Variants in GRID2 observed in about 807,000 individuals in gnomAD.
GRID2 encodes glutamate ionotropic receptor delta type subunit 2.
Under a neutral mutation model 114.8 loss-of-function variants are expected in GRID2, and 33 were observed. The observed-to-expected ratio is 0.29, with a 90% confidence interval of 0.22 to 0.38. GRID2 has a LOEUF of 0.38. Among genes scored for constraint, GRID2 ranks in the 10% least tolerant of loss-of-function variants. The pLI, the probability that GRID2 is intolerant of heterozygous loss-of-function variation, is 1.00. For missense variants in GRID2, 1,184 were observed against 1,257.7 expected (o/e 0.94, Z 0.89); for synonymous variants, 505 against 449.9 (o/e 1.12, Z -1.55).
At chr4:92,916,344 A>G (rs1748789928) in intron 2 of GRID2, among the ~76,000 whole-genome samples, 1 of 152,002 alleles carries the variant, frequency 6.6e-6, no homozygotes, top group South Asian at 2.1e-4. Flanking sequence ...TTGTCTCTGT[A>G]ATTTTAGAGA....
chr4:93,308,506 G>A (rs891161101), intron 8 of GRID2, among the ~76,000 whole-genome samples: 2 of 152,120 alleles, frequency 1.3e-5, no homozygotes, highest in African/African-American at 4.8e-5. Flanking sequence ...CTCAGTCGAA[G>A]TGAGCTTCGG....
intron 2 of GRID2, among the ~76,000 whole-genome samples, chr4:92,698,945 A>G (rs1313863482): frequency 2.0e-5 from 3 of 152,074 alleles, no homozygotes; most frequent in Non-Finnish European, 4.4e-5. Context: ...GACAACACAT[A>G]TTTTGTGGTT....
chr4:93,280,644 T>A (rs1183002428), intron 8 of GRID2, among the ~76,000 whole-genome samples: 1 of 151,942 alleles, frequency 6.6e-6, no homozygotes, highest in Non-Finnish European at 1.5e-5. Flanking sequence ...GATTTCTATT[T>A]TATGGCTTAA....
chr4:92,943,988 G>C lies in GRID2; in HGVS notation c.245-141007G>C, dbSNP rs1015050916. On this transcript the variant is annotated intron_variant, in intron 2 of 15. Transcript: ENST00000282020. ...ACCAGGCCATGTGAGGTATCAGTCT[G>C]CCCCTACTGGGGGGTGCCTCCCAGT... 5.9e-5 allele frequency among the ~76,000 whole-genome samples: 9 copies of C among 152,288 alleles called. No individual in the cohort carries two copies. The East Asian group carries it at 1.7e-3, about 29-fold the overall frequency.
intron 2 of GRID2, among the ~76,000 whole-genome samples, chr4:92,748,644 T>C (rs1167945431): frequency 7.2e-6 from 1 of 139,502 alleles, no homozygotes. Flanking sequence ...ATTATTATTA[T>C]TATTATTATT....
rs917123991 is a variant in GRID2 at position 93,626,760 on chromosome 4, G to A, written c.2360+325G>A. Reference sequence around the variant, plus strand: ...ACTAGTAGTCTAGTCTGAATTTTTAGCAACAAATGTCACAGAGTTAAGAAA... The same window carrying A: ...ACTAGTAGTCTAGTCTGAATTTTTAACAACAAATGTCACAGAGTTAAGAAA... On this transcript the variant is annotated intron_variant, in intron 14 of 15. Coordinates refer to ENST00000282020, the MANE Select transcript of GRID2 (RefSeq NM_001510.4). Among the ~76,000 whole-genome samples, 3 of 152,142 alleles carry A rather than the reference G, an allele frequency of 2.0e-5. No homozygotes were observed. In the East Asian group the frequency reaches 5.8e-4, roughly 29 times the overall value.
intron 8 of GRID2, among the ~76,000 whole-genome samples, chr4:93,392,256 A>G (rs1764931109): frequency 6.6e-6 from 1 of 152,166 alleles, no homozygotes; most frequent in Non-Finnish European, 1.5e-5. Flanking sequence ...AACAGAAACA[A>G]AATCAAAGAC....
chr4:93,437,563 T>C (rs1377681544), intron 10 of GRID2, among the ~76,000 whole-genome samples: 3 of 152,066 alleles, frequency 2.0e-5, no homozygotes, highest in African/African-American at 4.8e-5. Context: ...TAGAGAAAGA[T>C]TTGGGGTGAG....
chr4:92,917,388 G>T (rs1748896359), intron 2 of GRID2, among the ~76,000 whole-genome samples: 1 of 151,998 alleles, frequency 6.6e-6, no homozygotes, highest in Non-Finnish European at 1.5e-5. Context: ...GTCAATTTTG[G>T]CTTTTGTTGC....
At chr4:93,093,212 G>A (rs1440842976) in intron 3 of GRID2, among the ~76,000 whole-genome samples, 6 of 152,032 alleles carry the variant, frequency 3.9e-5, no homozygotes, top group African/African-American at 1.4e-4. Context: ...AGATAGGAAT[G>A]TCAGGTCATT....
intron 14 of GRID2, among the ~76,000 whole-genome samples, chr4:93,693,978 CT>C (rs1255459801): frequency 6.6e-6 from 1 of 152,058 alleles, no homozygotes. Flanking sequence ...GAGCAAAGAA[CT>C]GTAAATCAAG....
chr4:93,549,832 A>T (rs1178329211), intron 13 of GRID2, among the ~76,000 whole-genome samples: 1 of 152,186 alleles, frequency 6.6e-6, no homozygotes, highest in Non-Finnish European at 1.5e-5. Context: ...AATTCCTTCC[A>T]GAAGGAAAAA....
chr4:92,795,920 T>C (rs1408391155), intron 2 of GRID2, among the ~76,000 whole-genome samples: 1 of 152,014 alleles, frequency 6.6e-6, no homozygotes, highest in East Asian at 1.9e-4. Context: ...TTTTTATTTA[T>C]ATATTTTTGC....
intron 1 of GRID2, among the ~76,000 whole-genome samples, chr4:92,412,236 A>G (rs1245889406): frequency 6.6e-6 from 1 of 152,124 alleles, no homozygotes; most frequent in Non-Finnish European, 1.5e-5. Context: ...TTTCCATTAC[A>G]GTTCCATATT....
chr4:92,997,899 A>G (rs994423372), intron 2 of GRID2, among the ~76,000 whole-genome samples: 2 of 152,096 alleles, frequency 1.3e-5, no homozygotes, highest in Admixed American at 1.3e-4. Flanking sequence ...GCAAAACATA[A>G]TGAAATGTAT....
At chr4:92,357,786 TAC>T (rs1728402473) in intron 1 of GRID2, among the ~76,000 whole-genome samples, 2 of 152,026 alleles carry the variant, frequency 1.3e-5, no homozygotes, top group South Asian at 4.1e-4. Flanking sequence ...ATATTTTAAA[TAC>T]AGTTTTAAAA....
At chr4:93,096,547 G>A (rs958421112) in intron 3 of GRID2, among the ~76,000 whole-genome samples, 3 of 151,970 alleles carry the variant, frequency 2.0e-5, no homozygotes, top group African/African-American at 7.2e-5. Flanking sequence ...ATGGGTGAAA[G>A]CCTTGTCCAG....
intron 2 of GRID2, among the ~76,000 whole-genome samples, chr4:92,641,031 G>C (rs999575070): frequency 1.3e-5 from 2 of 151,460 alleles, no homozygotes; most frequent in African/African-American, 4.8e-5. Context: ...AGAAGAGAGG[G>C]AAGGAAAGAA....
chr4:93,677,335 C>T (rs1020469355), intron 14 of GRID2, among the ~76,000 whole-genome samples: 4 of 152,152 alleles, frequency 2.6e-5, no homozygotes, highest in Admixed American at 1.3e-4. Flanking sequence ...TCTGTAGGCT[C>T]CACCTCTGGG....
Sources: gnomAD v4.1 joint callset for allele counts (sites outside exome capture counted in the v4.1 genomes callset) on GRCh38, gnomAD v4.1.1 for gene constraint, MANE v1.5 for transcripts, NCBI Gene and HGNC (gene_info 2026-07-23, HGNC 2026-07-21) for gene names.